MUC12: variants seen among roughly 807,000 people sequenced by gnomAD.
The protein encoded by MUC12 is mucin 12, cell surface associated.
Under a neutral mutation model 230.8 loss-of-function variants are expected in MUC12, and 172 were observed. The observed-to-expected ratio is 0.75, with a 90% CI of 0.66 to 0.85. The LOEUF is 0.85. Ranked by LOEUF, MUC12 falls within the 40% of genes least tolerant of loss-of-function variation. MUC12 has a pLI of 0.00. For synonymous variants in MUC12, 1,259 were observed against 2,401.9 expected (o/e 0.52, Z 13.91); for missense variants, 3,506 against 5,920.6 (o/e 0.59, Z 13.38).
Position 101,002,860 on chromosome 7 carries a change from C to T in MUC12, c.12297C>T (p.Val4099=), listed in dbSNP as rs1219952713. 1.9e-6 allele frequency: 2 copies of T among 1,072,534 alleles called. No individual in the cohort carries two copies. Among genetic ancestry groups the T allele is most frequent in the Non-Finnish European group, 1.3e-6 (1 of 782,030 alleles). 66.4% of individuals were successfully genotyped at this position (1,072,534 alleles called of 1,614,324 possible). A position where few individuals can be genotyped will look rare whatever the true frequency, so the allele number is the denominator to read the frequency against. ...CTTCACCTCCCAGCACCACAGCAGTCCCTGTTGAAGTATCCACAACCTACC... is the reference window on the plus strand; with the variant it reads ...CTTCACCTCCCAGCACCACAGCAGTTCCTGTTGAAGTATCCACAACCTACC... ...TTPSPPSTTA[V]PVEVSTTYHS... is the part of the protein sequence containing the mutation. The change falls in exon 2 of 12, where the codon GTC becomes GTT. Residue 4099 remains valine, a synonymous_variant. Transcript: ENST00000536621.
At position 101,017,641 on chromosome 7, in the gene MUC12, A is replaced by G; in HGVS notation, c.15944A>G (p.Glu5315Gly). 1 of 1,535,926 alleles carries G rather than the reference A, an allele frequency of 6.5e-7. No homozygotes were observed. The highest frequency in any genetic ancestry group is 1.2e-5 in the South Asian group (1 of 84,038). The change falls in exon 11 of 12, where the codon GAG becomes GGG. Residue 5315 changes from glutamate (E) to glycine (G), a missense_variant. Physicochemically the swap from Glu to Gly is moderately conservative, Grantham distance 98 (BLOSUM62 -2). Coordinates refer to ENST00000536621, the MANE Select transcript of MUC12 (RefSeq NM_001164462.2). ...NAYNNFRPTL[E>G]TVDSGTELHI... ...TACAACAACTTCCGGCCCACCCTGGAGACTGTTGACTCTGGCACAGAGGTG... is the reference window on the plus strand; with the variant it reads ...TACAACAACTTCCGGCCCACCCTGGGGACTGTTGACTCTGGCACAGAGGTG...
At position 100,981,029 on chromosome 7, in the gene MUC12, A is replaced by G. The variant is rs188593275; in HGVS notation, c.68-9602A>G. 2.2e-3 allele frequency among the ~76,000 whole-genome samples: 339 copies of G among 152,332 alleles called. 1 individual carries two copies. Among genetic ancestry groups the G allele is most frequent in the Non-Finnish European group, 4.4e-3 (300 of 68,040 alleles). On this transcript the variant is annotated intron_variant, in intron 1 of 11. Transcript: ENST00000536621. ...ATCACATGAAAAGGCCCCAACCAAC[A>G]CTAGCTACTATAGTCATCTATCATG... is the stretch of plus-strand genomic sequence containing the variant.
At chr7:100,977,050 C>CAAAAAAAAAAAAAAAA (rs1157648244) in intron 1 of MUC12, among the ~76,000 whole-genome samples, 1 of 62,430 alleles carries the variant, frequency 1.6e-5, no homozygotes, top group Admixed American at 2.1e-4. Context: ...GACTCCATCT[C>CAAAAAAAAAAAAAAAA]AAAAAAAAAA....
In MUC12 at chr7:100,990,756, A is replaced by G. The variant is rs1227836065; in HGVS notation, c.193A>G (p.Thr65Ala). The change falls in exon 2 of 12, where the codon ACA becomes GCA. Residue 65 changes from threonine to alanine, a missense_variant. By Grantham distance (58) the Thr-to-Ala change is moderately conservative. Coordinates refer to ENST00000536621, the MANE Select transcript of MUC12 (RefSeq NM_001164462.2). ...SVTFITGSTA[T>A]KHFLDSSTNS... ...CACATTTATCACGGGCTCAACTGCAACAAAACACTTCCTTGACAGCTCCAC... is the reference window on the plus strand; with the variant it reads ...CACATTTATCACGGGCTCAACTGCAGCAAAACACTTCCTTGACAGCTCCAC... 1 of 1,537,798 alleles carries G rather than the reference A, an allele frequency of 6.5e-7. No homozygotes were observed. The highest frequency in any genetic ancestry group is 8.7e-7 in the Non-Finnish European group (1 of 1,147,072).
chr7:100,971,606 C>A (rs1385525437), intron 1 of MUC12, among the ~76,000 whole-genome samples: 1 of 152,308 alleles, frequency 6.6e-6, no homozygotes, highest in Non-Finnish European at 1.5e-5. Flanking sequence ...CAGGGAGGAG[C>A]TGATGGGAGA....
intron 4 of MUC12, 56 bp downstream of exon 4, chr7:101,008,817 TG>T: frequency 2.0e-6 from 3 of 1,503,932 alleles, no homozygotes; most frequent in South Asian, 1.3e-5. Context: ...GAGAGGAAAT[TG>T]GGGGGTGCAC....
chr7:101,008,039 C>T (rs1160772989), intron 3 of MUC12, among the ~76,000 whole-genome samples: 3 of 151,282 alleles, frequency 2.0e-5, no homozygotes, highest in African/African-American at 7.3e-5. Context: ...CTCCTGACCT[C>T]GTGATCCACC....
chr7:100,974,771 G>A (rs1792990923), intron 1 of MUC12, among the ~76,000 whole-genome samples: 1 of 152,304 alleles, frequency 6.6e-6, no homozygotes, highest in South Asian at 2.1e-4. Flanking sequence ...ACTGCAGTGA[G>A]CTGTGATTGT....
At chr7:100,975,051 T>A (rs1252017508) in intron 1 of MUC12, among the ~76,000 whole-genome samples, 8 of 152,416 alleles carry the variant, frequency 5.2e-5, no homozygotes, top group Non-Finnish European at 8.8e-5. Flanking sequence ...GAGTGTGGAA[T>A]GACTGTGGGG....
intron 1 of MUC12, among the ~76,000 whole-genome samples, chr7:100,976,777 G>A (rs117211460): frequency 0.011 from 1,608 of 151,902 alleles, 9 homozygotes; most frequent in African/African-American, 0.015. Context: ...TCGGTGGGGC[G>A]TGGTGTCTCA....
intron 1 of MUC12, 121 bp from the exon 2 acceptor site, chr7:100,990,510 G>A (rs1793263219): frequency 8.0e-7 from 1 of 1,247,960 alleles, no homozygotes; most frequent in Non-Finnish European, 1.1e-6. Flanking sequence ...GGAAACTTGA[G>A]TTTCAATACC....
chr7:101,005,080 C>T lies in MUC12; in HGVS notation c.14517C>T (p.Ala4839=), dbSNP rs1338427498. ...CAGCTCTGTCAACAGTGTCACCTGCCAGCACCACAGTGCCAGGCCTTAGTG... is the reference window on the plus strand; with the variant it reads ...CAGCTCTGTCAACAGTGTCACCTGCTAGCACCACAGTGCCAGGCCTTAGTG... ...PGSALSTVSP[A]STTVPGLSEE... is the part of the protein sequence containing the mutation. The change falls in exon 2 of 12, where the codon GCC becomes GCT. Residue 4839 remains alanine, a synonymous_variant. Coordinates refer to ENST00000536621, the MANE Select transcript of MUC12 (RefSeq NM_001164462.2). 4.6e-6 allele frequency: 7 copies of T among 1,537,936 alleles called. No homozygotes were observed. The African/African-American group carries it at 5.5e-5, about 12-fold the overall frequency.
At chr7:101,006,251 C>G (rs996815162) in intron 2 of MUC12, among the ~76,000 whole-genome samples, 7 of 152,176 alleles carry the variant, frequency 4.6e-5, no homozygotes, top group Admixed American at 4.6e-4. Flanking sequence ...ATAGCTGGAC[C>G]TCTTGTATCT....
At position 101,006,587 on chromosome 7, in the gene MUC12, T is replaced by C; in HGVS notation, c.15058+15T>C. The C allele has an allele frequency of 1.3e-6, 2 of 1,503,500 alleles. No homozygotes were observed. Among genetic ancestry groups the C allele is most frequent in the Non-Finnish European group, 1.8e-6 (2 of 1,116,194 alleles). The allele number at this position is 1,503,500 out of a possible 1,614,324, so 93.1% of individuals were successfully genotyped here. ...CTTCCCTGTAGGTAATGACCTTTTC[T>C]GAGACCTGCAGCTCTTTGCAGGCCC... is the stretch of plus-strand genomic sequence containing the variant. On this transcript the variant is annotated intron_variant, in intron 3 of 11. Coordinates refer to ENST00000536621, the MANE Select transcript of MUC12 (RefSeq NM_001164462.2).
chr7:101,010,566 A>G (rs1357492239), intron 5 of MUC12, among the ~76,000 whole-genome samples: 1 of 151,892 alleles, frequency 6.6e-6, no homozygotes, highest in Non-Finnish European at 1.5e-5. Flanking sequence ...CCTGGGCTGG[A>G]GTGCCGTGGT....
intron 1 of MUC12, among the ~76,000 whole-genome samples, chr7:100,970,083 C>T (rs1253767564): frequency 1.3e-5 from 2 of 152,304 alleles, no homozygotes; most frequent in African/African-American, 4.8e-5. Flanking sequence ...GGAGGCACTG[C>T]ACATGCTGCT....
rs527478266 is a variant in MUC12 at position 100,977,512 on chromosome 7, C to T, written c.67+7823C>T. 1.6e-4 allele frequency among the ~76,000 whole-genome samples: 25 copies of T among 151,926 alleles called. No individual in the cohort carries two copies. In the South Asian group the frequency reaches 2.9e-3, roughly 18 times the overall value. The stretch of plus-strand genomic sequence containing the variant: ...TTCTGAGTAGCTGGGATTACAGGCA[C>T]GCGCCACCACGCCCGGCTAAGTTTT... On this transcript the variant is annotated intron_variant, in intron 1 of 11. Coordinates refer to ENST00000536621, the MANE Select transcript of MUC12 (RefSeq NM_001164462.2).
At chr7:100,987,911 C>T (rs949245882) in intron 1 of MUC12, among the ~76,000 whole-genome samples, 6 of 149,980 alleles carry the variant, frequency 4.0e-5, no homozygotes, top group Middle Eastern at 3.3e-3. Flanking sequence ...GCAGATGGTG[C>T]GGTGAGCCAA....
chr7:100,971,564 C>A (rs1156573816), intron 1 of MUC12, among the ~76,000 whole-genome samples: 3 of 152,310 alleles, frequency 2.0e-5, no homozygotes, highest in Non-Finnish European at 4.4e-5. Context: ...CTCCTTTACC[C>A]CCACCCGGAC....
Sources: allele counts gnomAD v4.1 joint callset (sites outside exome capture counted in the v4.1 genomes callset), GRCh38; gene constraint gnomAD v4.1.1; transcripts MANE v1.5; gene names NCBI Gene and HGNC (gene_info 2026-07-23, HGNC 2026-07-21).